The following PHACTR1 variants were observed in gnomAD, a reference collection of about 807,000 sequenced individuals.
PHACTR1 encodes the protein phosphatase and actin regulator 1, also known as RPEL repeat containing 1.
A neutral mutation model predicts 69.2 loss-of-function variants in PHACTR1; 16 were observed. The observed-to-expected ratio is 0.23, with a 90% CI of 0.16 to 0.35. The LOEUF (loss-of-function observed/expected upper bound fraction) is 0.35. PHACTR1 is among the 10% of genes least tolerant of loss of function. The pLI, the probability that PHACTR1 is intolerant of heterozygous loss-of-function variation, is 1.00. For missense variants in PHACTR1, 510 were observed against 734.7 expected, an observed-to-expected ratio of 0.69 and a Z score of 3.54; for synonymous variants, 312 against 284.5, an observed-to-expected ratio of 1.10 and a Z score of -0.97.
At chr6:12,779,674 C>A (rs1439444150) in intron 4 of PHACTR1, among the ~76,000 whole-genome samples, 1 of 152,176 alleles carries the variant, frequency 6.6e-6, no homozygotes, top group African/African-American at 2.4e-5. Context: ...AGTTTCCTGA[C>A]CCCTTCTTGA....
At chr6:13,005,261 A>G (rs777550399) in intron 4 of PHACTR1, among the ~76,000 whole-genome samples, 43 of 150,846 alleles carry the variant, frequency 2.9e-4, no homozygotes, top group African/African-American at 9.3e-4. Flanking sequence ...CTATCTCTCT[A>G]TGGAGTATGG....
intron 4 of PHACTR1, among the ~76,000 whole-genome samples, chr6:12,843,340 C>G (rs1383741511): frequency 1.3e-5 from 2 of 152,108 alleles, no homozygotes; most frequent in African/African-American, 4.8e-5. Flanking sequence ...AATTTTATGA[C>G]AGCCTAGAAG....
rs996545369 is a variant in PHACTR1, at chr6:13,075,663, T to A, written c.415+22134T>A. Among the ~76,000 whole-genome samples, 14 of 152,178 alleles carry A rather than the reference T, an allele frequency of 9.2e-5. 1 individual carries two copies. Among genetic ancestry groups the A allele is most frequent in the Non-Finnish European group, 1.6e-4 (11 of 68,040 alleles). ...GGCCGTCCTTCTTTCTCAGTCCTAG[T>A]TTTGCTTTCTGAAAGGGAAATACAC... On this transcript the variant is annotated intron_variant, in intron 5 of 14. Coordinates refer to ENST00000332995, the MANE Select transcript of PHACTR1 (RefSeq NM_030948.6).
intron 4 of PHACTR1, chr6:12,933,798 G>C (rs773118893): frequency 6.2e-7 from 1 of 1,612,814 alleles, no homozygotes; most frequent in East Asian, 2.2e-5. Flanking sequence ...CCCAGTACAG[G>C]TGGACAATTC....
At chr6:13,056,706 G>T (rs1806837200) in intron 5 of PHACTR1, among the ~76,000 whole-genome samples, 1 of 152,172 alleles carries the variant, frequency 6.6e-6, no homozygotes, top group South Asian at 2.1e-4. Context: ...TACAACCAAG[G>T]AGCAGAGTGA....
chr6:13,198,084 C>G (rs1764683809), intron 7 of PHACTR1, among the ~76,000 whole-genome samples: 1 of 152,190 alleles, frequency 6.6e-6, no homozygotes, highest in Non-Finnish European at 1.5e-5. Context: ...CCACCTTTTC[C>G]CGTTGCCCTG....
At chr6:12,980,291 T>A (rs957203323) in intron 4 of PHACTR1, among the ~76,000 whole-genome samples, 2 of 152,164 alleles carry the variant, frequency 1.3e-5, no homozygotes, top group Non-Finnish European at 2.9e-5. Context: ...GGTTTATTAT[T>A]TGGCCTGTTG....
chr6:13,227,772 G>A (rs7765972), intron 8 of PHACTR1, 44 bp from the exon 9 acceptor site: 120,834 of 1,600,178 alleles, frequency 0.076, 7,135 homozygotes, highest in Admixed American at 0.32. Context: ...TATATAGCAC[G>A]TTAGCCAAAG....
chr6:13,201,358 C>T (rs1765208255), intron 7 of PHACTR1, among the ~76,000 whole-genome samples: 1 of 152,176 alleles, frequency 6.6e-6, no homozygotes. Context: ...GAGGTGAGTA[C>T]AGCAAAGGCC....
chr6:13,272,742 A>G, intron 10 of PHACTR1, 118 bp from the exon 11 acceptor site: 1 of 1,610,490 alleles, frequency 6.2e-7, no homozygotes, highest in Non-Finnish European at 8.5e-7. Context: ...TTCAGAGCAC[A>G]GGATGGAACA....
chr6:13,078,981 C>A (rs544640478), intron 5 of PHACTR1, among the ~76,000 whole-genome samples: 1 of 152,168 alleles, frequency 6.6e-6, no homozygotes, highest in East Asian at 1.9e-4. Flanking sequence ...AGTTTACAGT[C>A]TTTAACCCAA....
intron 4 of PHACTR1, among the ~76,000 whole-genome samples, chr6:12,950,180 G>A (rs1233141765): frequency 1.3e-5 from 2 of 152,236 alleles, no homozygotes; most frequent in African/African-American, 4.8e-5. Flanking sequence ...AACTGTTGAA[G>A]GGTGGGGCTG....
chr6:12,947,270 C>CA (rs1466178397), intron 4 of PHACTR1, among the ~76,000 whole-genome samples: 1 of 151,986 alleles, frequency 6.6e-6, no homozygotes, highest in Non-Finnish European at 1.5e-5. Flanking sequence ...ACTGTTGAGA[C>CA]AGGATGGTCT....
chr6:13,230,453 G>C, intron 10 of PHACTR1: 1 of 643,998 alleles, frequency 1.6e-6, no homozygotes, highest in Non-Finnish European at 2.3e-6. Flanking sequence ...GGCTGAGGCA[G>C]GAGGATTGCT....
rs1766343266 is a variant in PHACTR1 at position 12,749,809 on chromosome 6, C to CGCGCCCCCGCCCCTGGCGG, written c.250+19_250+20insGCGCCCCCGCCCCTGGCGG. On this transcript the variant is annotated intron_variant, in intron 4 of 14. Coordinates refer to ENST00000332995, the MANE Select transcript of PHACTR1 (RefSeq NM_030948.6). The stretch of plus-strand genomic sequence containing the variant: ...GGGGCAGGTAAGAACGCCCCTGGCG[C>CGCGCCCCCGCCCCTGGCGG]CGCGCCCCCGCCCCCGCCCTGCTCC... 1 of 1,563,076 alleles carries CGCGCCCCCGCCCCTGGCGG rather than the reference C, an allele frequency of 6.4e-7. No homozygotes were observed. The highest frequency in any genetic ancestry group is 1.3e-5 in the African/African-American group (1 of 74,098).
intron 5 of PHACTR1, among the ~76,000 whole-genome samples, chr6:13,111,570 A>G (rs998486926): frequency 6.6e-6 from 1 of 152,160 alleles, no homozygotes; most frequent in Admixed American, 6.6e-5. Flanking sequence ...TCTAAATTGG[A>G]TCTTATAATG....
At chr6:12,855,216 A>G (rs1030383734) in intron 4 of PHACTR1, among the ~76,000 whole-genome samples, 1 of 152,216 alleles carries the variant, frequency 6.6e-6, no homozygotes, top group Non-Finnish European at 1.5e-5. Context: ...TAAAAAACCA[A>G]TTGGCCGGGT....
intron 5 of PHACTR1, among the ~76,000 whole-genome samples, chr6:13,155,103 C>T (rs1757977866): frequency 6.6e-6 from 1 of 152,166 alleles, no homozygotes; most frequent in Non-Finnish European, 1.5e-5. Context: ...ATCTTGGATG[C>T]TAATCCACCA....
chr6:12,953,953 T>C (rs760259247), intron 4 of PHACTR1, among the ~76,000 whole-genome samples: 3 of 152,210 alleles, frequency 2.0e-5, no homozygotes, highest in African/African-American at 7.2e-5. Flanking sequence ...AAGATTATAG[T>C]TGAATGTGAT....
Sources: gnomAD v4.1 joint callset for allele counts (sites outside exome capture counted in the v4.1 genomes callset) on GRCh38, gnomAD v4.1.1 for gene constraint, MANE v1.5 for transcripts, NCBI Gene and HGNC (gene_info 2026-07-23, HGNC 2026-07-21) for gene names.